The following OLFML2A variants were observed in gnomAD, a reference collection of about 807,000 sequenced individuals.
OLFML2A encodes the protein olfactomedin like 2A.
Under a neutral mutation model 60.9 loss-of-function variants are expected in OLFML2A, and 47 were observed. The observed-to-expected ratio is 0.77, with a 90% CI of 0.61 to 0.98. The LOEUF is 0.98. Among genes scored for constraint, OLFML2A ranks in the 50% least tolerant of loss-of-function variants. OLFML2A has a pLI of 0.00. For missense variants in OLFML2A, 922 were observed against 879.8 expected, an observed-to-expected ratio of 1.05 and a Z score of -0.61; for synonymous variants, 372 against 375.0, an observed-to-expected ratio of 0.99 and a Z score of 0.09.
At chr9:124,790,042 T>C (rs1267369353) in intron 2 of OLFML2A, among the ~76,000 whole-genome samples, 1 of 152,258 alleles carries the variant, frequency 6.6e-6, no homozygotes, top group Non-Finnish European at 1.5e-5. Flanking sequence ...ATTTAATTCT[T>C]AGCTAATTTA....
intron 1 of OLFML2A, among the ~76,000 whole-genome samples, chr9:124,783,122 C>T (rs1841392234): frequency 1.3e-5 from 2 of 152,042 alleles, no homozygotes; most frequent in East Asian, 3.9e-4. Flanking sequence ...TAGCTAGCCA[C>T]CCTCCTCCCC....
chr9:124,801,838 G>A (rs1841785610), intron 5 of OLFML2A, among the ~76,000 whole-genome samples, 175 bp downstream of exon 5: 1 of 152,202 alleles, frequency 6.6e-6, no homozygotes, highest in Non-Finnish European at 1.5e-5. Context: ...GGGTCATTGG[G>A]ATGAGATGGC....
At chr9:124,805,392 G>A (rs1841872271) in intron 6 of OLFML2A, among the ~76,000 whole-genome samples, 1 of 152,132 alleles carries the variant, frequency 6.6e-6, no homozygotes, top group South Asian at 2.1e-4. Flanking sequence ...GGGAGGACTG[G>A]TCAGATAAAT....
chr9:124,810,335 T>C lies in OLFML2A; in HGVS notation c.1882T>C (p.Tyr628His). ...NEHAYTTQID[Y>H]NPKERVLYAW... is the part of the protein sequence containing the mutation. ...GCACGCCTACACCACCCAGATCGAC[T>C]ACAACCCCAAGGAGCGGGTGCTGTA... is the stretch of plus-strand genomic sequence containing the variant. Residue 628 changes from tyrosine to histidine, a missense_variant, in exon 8 of 8, where the codon TAC becomes CAC. By Grantham distance (83) the Tyr-to-His change is moderately conservative. Coordinates refer to ENST00000373580, the MANE Select transcript of OLFML2A (RefSeq NM_182487.4). 1 of 1,605,608 alleles carries C rather than the reference T, an allele frequency of 6.2e-7. No individual in the cohort carries two copies. The highest frequency in any genetic ancestry group is 1.1e-5 in the South Asian group (1 of 91,084).
rs570474171 is a variant in OLFML2A at position 124,779,870 on chromosome 9, G to A, written c.90+2510G>A. Among the ~76,000 whole-genome samples the A allele has an allele frequency of 8.5e-5, 13 of 152,266 alleles. No homozygotes were observed. The East Asian group carries it at 9.7e-4, about 11-fold the overall frequency. ...CCCTGGGGTGGAGGATGAGCCCTTC[G>A]GAGGGCCAGCCTGGGACTTGAAGTC... On this transcript the variant is annotated intron_variant, in intron 1 of 7. Transcript: ENST00000373580. The surrounding 1 kb of genome is among the most constrained non-coding windows in gnomAD (Gnocchi z 4.1).
chr9:124,793,855 G>A (rs148288574), intron 2 of OLFML2A, among the ~76,000 whole-genome samples: 3 of 152,260 alleles, frequency 2.0e-5, no homozygotes, highest in South Asian at 2.1e-4. Context: ...CTGGAATAAC[G>A]TAGTAAGATC....
chr9:124,801,705 G>A, intron 5 of OLFML2A, 42 bp downstream of exon 5: 1 of 1,593,818 alleles, frequency 6.3e-7, no homozygotes, highest in Non-Finnish European at 8.6e-7. Flanking sequence ...GTCAGGGATG[G>A]ATGCCTCCTA....
At chr9:124,784,728 A>G (rs967899396) in intron 1 of OLFML2A, among the ~76,000 whole-genome samples, 1 of 152,088 alleles carries the variant, frequency 6.6e-6, no homozygotes, top group Non-Finnish European at 1.5e-5. Flanking sequence ...CCCCATACCA[A>G]TTAAGCAGCC....
rs768257527 is a variant in OLFML2A, at chr9:124,809,891, C to G, written c.1438C>G (p.Arg480Gly). The G allele has an allele frequency of 3.1e-6, 5 of 1,614,082 alleles. No homozygotes were observed. Among genetic ancestry groups the G allele is most frequent in the South Asian group, 2.2e-5 (2 of 91,084 alleles). Residue 480 changes from arginine to glycine, a missense_variant, in exon 8 of 8, where the codon CGC (arginine) becomes GGC (glycine). Physicochemically the swap from Arg to Gly is moderately radical, Grantham distance 125. Transcript: ENST00000373580. Reference sequence around the variant, plus strand: ...GTACCAGGGCGCCTTCTACTACAACCGCGCCTTCACCAAGAACATCATCAA... The same window carrying G: ...GTACCAGGGCGCCTTCTACTACAACGGCGCCTTCACCAAGAACATCATCAA... ...VVYQGAFYYN[R>G]AFTKNIIKYD...
rs1429640606 is a variant in OLFML2A, at chr9:124,814,786, G to A, written c.*4374G>A. On this transcript the variant is annotated 3_prime_UTR_variant, in exon 8 of 8. Transcript: ENST00000373580. ...TTTACCCTAATCTTTTTATTTTTAT[G>A]CTATTGTACTTTATTTTTGTAAGTT... The A allele has an allele frequency of 3.3e-5, 5 of 151,878 alleles. No individual in the cohort carries two copies. Among genetic ancestry groups the A allele is most frequent in the South Asian group, 2.1e-4 (1 of 4,816 alleles). 9.4% of individuals were successfully genotyped at this position (151,878 alleles called of 1,614,324 possible).
At chr9:124,781,481 G>A (rs1048246979) in intron 1 of OLFML2A, among the ~76,000 whole-genome samples, 2 of 152,254 alleles carry the variant, frequency 1.3e-5, no homozygotes, top group South Asian at 2.1e-4. Context: ...TGAGGAAAAA[G>A]GGCAGACCCA....
In OLFML2A at chr9:124,779,346, C is replaced by T. The variant is rs1841317082; in HGVS notation, c.90+1986C>T. 6.6e-6 allele frequency among the ~76,000 whole-genome samples: 1 copy of T among 152,170 alleles called. No homozygotes were observed. The highest frequency in any genetic ancestry group is 1.5e-5 in the Non-Finnish European group (1 of 68,024). ...TATGATGACAAGTGAGTAGAAAATC[C>T]TAGGTAACCTGATCAGTGCCTTGTC... On this transcript the variant is annotated intron_variant, in intron 1 of 7. Coordinates refer to ENST00000373580, the MANE Select transcript of OLFML2A (RefSeq NM_182487.4). The surrounding 1 kb of genome is among the most constrained non-coding windows in gnomAD (Gnocchi z 4.1).
chr9:124,798,736 A>G (rs916031047), intron 3 of OLFML2A, among the ~76,000 whole-genome samples: 9 of 151,988 alleles, frequency 5.9e-5, no homozygotes, highest in African/African-American at 2.2e-4. Context: ...CAAAAAAAAA[A>G]AAAAGAAAGA....
At chr9:124,786,749 GAC>G (rs3138850) in intron 1 of OLFML2A, among the ~76,000 whole-genome samples, 23,403 of 129,510 alleles carry the variant, frequency 0.18, 2,338 homozygotes, top group Non-Finnish European at 0.22. Flanking sequence ...CAGAGACGTA[GAC>G]ACACACACAC....
At position 124,777,434 on chromosome 9, in the gene OLFML2A, C is replaced by T. The variant is rs1163443113; in HGVS notation, c.90+74C>T. 8.3e-7 allele frequency: 1 copy of T among 1,210,778 alleles called. No homozygotes were observed. 75.0% of individuals were successfully genotyped at this position (1,210,778 alleles called of 1,614,324 possible). Reference sequence around the variant, plus strand: ...AGGGGGCGCTGTGGCTGGGGTGCGGCCCGGGAGGGAGCCCGGGGCCAGGGC... The same window carrying T: ...AGGGGGCGCTGTGGCTGGGGTGCGGTCCGGGAGGGAGCCCGGGGCCAGGGC... On this transcript the variant is annotated intron_variant, in intron 1 of 7. Coordinates refer to ENST00000373580, the MANE Select transcript of OLFML2A (RefSeq NM_182487.4). This position sits in a 1 kb window ranked among gnomAD's most constrained non-coding sequence, Gnocchi z 6.2.
At chr9:124,797,780 G>C (rs1204095423) in intron 3 of OLFML2A, among the ~76,000 whole-genome samples, 2 of 152,216 alleles carry the variant, frequency 1.3e-5, no homozygotes, top group African/African-American at 4.8e-5. Context: ...AGTGAACAAG[G>C]CCAGCTTGGG....
At chr9:124,782,596 G>C (rs1268661831) in intron 1 of OLFML2A, among the ~76,000 whole-genome samples, 1 of 152,204 alleles carries the variant, frequency 6.6e-6, no homozygotes, top group Non-Finnish European at 1.5e-5. Context: ...CCCAGGTCTG[G>C]CTCTTCCCCC....
At chr9:124,806,165 T>G (rs1320237159) in intron 6 of OLFML2A, among the ~76,000 whole-genome samples, 1 of 152,086 alleles carries the variant, frequency 6.6e-6, no homozygotes, top group African/African-American at 2.4e-5. Context: ...GTTTAAATTC[T>G]TTTTATTTTT....
intron 3 of OLFML2A, among the ~76,000 whole-genome samples, chr9:124,797,106 A>G (rs763764223): frequency 2.0e-5 from 3 of 152,104 alleles, no homozygotes; most frequent in Non-Finnish European, 2.9e-5. Flanking sequence ...CAGCCTCCCA[A>G]GTAGCTGGGA....
Sources: allele counts gnomAD v4.1 joint callset (sites outside exome capture counted in the v4.1 genomes callset), GRCh38; gene constraint gnomAD v4.1.1; non-coding constraint Gnocchi (gnomAD v3.1); transcripts MANE v1.5; gene names NCBI Gene and HGNC (gene_info 2026-07-23, HGNC 2026-07-21).